Variants in CWH43 observed in about 807,000 individuals in gnomAD.
CWH43 encodes cell wall biogenesis 43 C-terminal homolog.
In CWH43, 91 loss-of-function variants were observed where a neutral mutation model predicts 85.7. The observed-to-expected ratio is 1.06, with a 90% CI of 0.90 to 1.26. CWH43 has a LOEUF of 1.26. CWH43 is among the 50% of genes most tolerant of loss of function. The pLI is 0.00. For missense variants in CWH43, 869 were observed against 839.2 expected, an observed-to-expected ratio of 1.04 and a Z score of -0.44; for synonymous variants, 323 against 293.6, an observed-to-expected ratio of 1.10 and a Z score of -1.02.
At chr4:49,020,209 A>G (rs1464722700) in intron 9 of CWH43, among the ~76,000 whole-genome samples, 3 of 152,044 alleles carry the variant, frequency 2.0e-5, no homozygotes, top group Non-Finnish European at 4.4e-5. Context: ...AGTTCATTGT[A>G]TCATTCTTAC....
chr4:49,041,737 A>C (rs1784469281), intron 13 of CWH43, among the ~76,000 whole-genome samples: 1 of 152,196 alleles, frequency 6.6e-6, no homozygotes, highest in South Asian at 2.1e-4. Flanking sequence ...CCATTTGACA[A>C]GGACTCTGTT....
At chr4:49,043,008 G>A (rs766660772) in intron 13 of CWH43, among the ~76,000 whole-genome samples, 6 of 152,142 alleles carry the variant, frequency 3.9e-5, no homozygotes, top group Non-Finnish European at 5.9e-5. Context: ...CCACACAGGC[G>A]TCTGGGCCCT....
At chr4:49,049,427 C>A (rs886671676) in intron 14 of CWH43, among the ~76,000 whole-genome samples, 3 of 152,046 alleles carry the variant, frequency 2.0e-5, no homozygotes, top group Admixed American at 6.6e-5. Context: ...AACTTGTCTC[C>A]CTGCTTTGAC....
intron 14 of CWH43, among the ~76,000 whole-genome samples, chr4:49,046,692 A>T (rs1177090770): frequency 6.6e-6 from 1 of 151,892 alleles, no homozygotes; most frequent in African/African-American, 2.4e-5. Context: ...GGAGGCGGGG[A>T]AAGTTTGAGA....
chr4:49,014,423 C>T (rs1043346392), intron 8 of CWH43, among the ~76,000 whole-genome samples: 4 of 142,404 alleles, frequency 2.8e-5, no homozygotes, highest in Admixed American at 2.8e-4. Flanking sequence ...GGTGCCACTG[C>T]ACTTCAGCAT....
At chr4:49,059,714 G>T (rs1785079828) in intron 15 of CWH43, among the ~76,000 whole-genome samples, 1 of 149,288 alleles carries the variant, frequency 6.7e-6, no homozygotes, top group Admixed American at 6.7e-5. Flanking sequence ...ATCAGCAAGT[G>T]GATAGGCTTT....
chr4:48,988,492 C>G lies in CWH43; in HGVS notation c.59C>G (p.Ser20Cys), dbSNP rs755046724. ...TTTTTTGTAGGATGTGTTTCTTGGT[C>G]TCTCTACCATGACCTGGGACCGATG... ...LESLLGCVSW[S>C]LYHDLGPMIY... Residue 20 changes from serine to cysteine, a missense_variant, in exon 2 of 16, where the codon TCT becomes TGT. Ser to Cys is a moderately radical substitution (Grantham distance 112). Coordinates refer to ENST00000226432, the MANE Select transcript of CWH43 (RefSeq NM_025087.3). 2 of 1,559,328 alleles carry G rather than the reference C, an allele frequency of 1.3e-6. No homozygotes were observed. Among genetic ancestry groups the G allele is most frequent in the South Asian group, 1.2e-5 (1 of 81,086 alleles).
At chr4:49,049,917 G>A (rs1181881729) in intron 14 of CWH43, among the ~76,000 whole-genome samples, 1 of 152,140 alleles carries the variant, frequency 6.6e-6, no homozygotes, top group East Asian at 1.9e-4. Flanking sequence ...ACATACATAT[G>A]TGTTTAATGC....
At chr4:49,040,081 T>C (rs994552796) in intron 13 of CWH43, among the ~76,000 whole-genome samples, 44 of 152,206 alleles carry the variant, frequency 2.9e-4, no homozygotes, top group Non-Finnish European at 1.3e-4. Flanking sequence ...GAATTCATCA[T>C]TTTTTATGGC....
At chr4:49,056,558 T>C (rs996670352) in intron 15 of CWH43, among the ~76,000 whole-genome samples, 1 of 152,132 alleles carries the variant, frequency 6.6e-6, no homozygotes, top group African/African-American at 2.4e-5. Context: ...ATTTTCTCTT[T>C]TTTTCTTAGT....
chr4:49,026,504 C>A (rs1297351443), intron 9 of CWH43, among the ~76,000 whole-genome samples: 1 of 152,152 alleles, frequency 6.6e-6, no homozygotes, highest in African/African-American at 2.4e-5. Flanking sequence ...CATTTTCCTG[C>A]CATCCCCAAT....
At chr4:49,047,050 T>C (rs1041134237) in intron 14 of CWH43, among the ~76,000 whole-genome samples, 19 of 152,180 alleles carry the variant, frequency 1.2e-4, no homozygotes, top group African/African-American at 4.6e-4. Context: ...CCAAAAGGCA[T>C]CTTGGCATTG....
At position 49,017,329 on chromosome 4, in the gene CWH43, G is replaced by A; in HGVS notation, c.1266+1G>A. The A allele has an allele frequency of 6.3e-7, 1 of 1,597,644 alleles. No individual in the cohort carries two copies. The highest frequency in any genetic ancestry group is 8.6e-7 in the Non-Finnish European group (1 of 1,167,760). Reference sequence around the variant, plus strand: ...CTATGAGAGAAAACTGGGCAAAGTGGTAAGTAATTAAAAACCTTGAAATAG... The same window carrying A: ...CTATGAGAGAAAACTGGGCAAAGTGATAAGTAATTAAAAACCTTGAAATAG... On this transcript the variant is annotated splice_donor_variant, in intron 9 of 15. Coordinates refer to ENST00000226432, the MANE Select transcript of CWH43 (RefSeq NM_025087.3). LOFTEE classifies it high-confidence loss of function.
chr4:48,986,759 C>T (rs1208568219), intron 1 of CWH43: 2 of 1,277,326 alleles, frequency 1.6e-6, no homozygotes, highest in Non-Finnish European at 2.0e-6. Flanking sequence ...GAATTCTCCT[C>T]GTGTCGGCCT....
At chr4:48,993,696 G>T (rs1027307402) in intron 4 of CWH43, among the ~76,000 whole-genome samples, 1 of 152,126 alleles carries the variant, frequency 6.6e-6, no homozygotes, top group African/African-American at 2.4e-5. Flanking sequence ...CCAATCCCAG[G>T]TTCCTAGGTT....
At chr4:49,031,092 G>A (rs750455206) in intron 11 of CWH43, 132 bp downstream of exon 11, 32 of 827,740 alleles carry the variant, frequency 3.9e-5, no homozygotes, top group Non-Finnish European at 5.1e-5. Flanking sequence ...GGATGAGGAG[G>A]TGCTGGAGAT....
chr4:49,049,534 G>GCAA (rs1033378831), intron 14 of CWH43, among the ~76,000 whole-genome samples: 25 of 151,394 alleles, frequency 1.7e-4, no homozygotes, highest in African/African-American at 4.8e-4. Flanking sequence ...AAAAAAAACA[G>GCAA]CAACAACAAC....
intron 15 of CWH43, among the ~76,000 whole-genome samples, chr4:49,051,452 G>C (rs1291775957): frequency 1.3e-5 from 2 of 152,184 alleles, no homozygotes; most frequent in Non-Finnish European, 2.9e-5. Flanking sequence ...AGGACCTCCT[G>C]GGGTGGTATC....
rs145720375 is a variant in CWH43 at position 49,028,703 on chromosome 4, A to G, written c.1341A>G (p.Leu447=). The G allele has an allele frequency of 3.1e-4, 505 of 1,613,338 alleles. No individual in the cohort carries two copies. The highest frequency in any genetic ancestry group is 4.0e-4 in the Non-Finnish European group (468 of 1,179,328). The stretch of plus-strand genomic sequence containing the variant: ...ATGACAATGAAGGGTGGTCTAGTCT[A>G]GAAAGATCAGCTCACCTGCTCAATG... ...FGYDNEGWSS[L]ERSAHLLNET... The change falls in exon 10 of 16, where the codon CTA becomes CTG. Residue 447 remains leucine (L), a synonymous_variant. Transcript: ENST00000226432.
Sources: gnomAD v4.1 joint callset for allele counts (sites outside exome capture counted in the v4.1 genomes callset) on GRCh38, gnomAD v4.1.1 for gene constraint, MANE v1.5 for transcripts, NCBI Gene and HGNC (gene_info 2026-07-23, HGNC 2026-07-21) for gene names.